The following OTUB2 variants were observed in gnomAD, a reference collection of about 807,000 sequenced individuals.
The protein encoded by OTUB2 is ubiquitin thioesterase OTUB2.
Under a neutral mutation model 25.1 loss-of-function variants are expected in OTUB2, and 21 were observed. The observed-to-expected ratio is 0.84, with a 90% CI of 0.59 to 1.21. The LOEUF (loss-of-function observed/expected upper bound fraction) is 1.21, where lower values mean the gene tolerates loss of function less well. Among genes scored for constraint, OTUB2 ranks in the 50% most tolerant of loss-of-function variants. OTUB2 has a pLI of 0.00. For missense variants in OTUB2, 283 were observed against 298.0 expected, an observed-to-expected ratio of 0.95 and a Z score of 0.37; for synonymous variants, 122 against 122.8, an observed-to-expected ratio of 0.99 and a Z score of 0.04.
chr14:94,038,356 G>GC (rs1416787756), intron 2 of OTUB2, among the ~76,000 whole-genome samples: 2 of 152,198 alleles, frequency 1.3e-5, no homozygotes, highest in African/African-American at 2.4e-5. Flanking sequence ...CCTCCCCACT[G>GC]CCAGCTGGCC....
At chr14:94,040,935 A>G (rs1266971919) in intron 3 of OTUB2, among the ~76,000 whole-genome samples, 2 of 152,130 alleles carry the variant, frequency 1.3e-5, no homozygotes, top group African/African-American at 4.8e-5. Flanking sequence ...CTTTCTAAGG[A>G]CCTTGGCTTT....
intron 1 of OTUB2, among the ~76,000 whole-genome samples, chr14:94,034,716 T>A (rs1324117353): frequency 6.6e-6 from 1 of 152,194 alleles, no homozygotes; most frequent in African/African-American, 2.4e-5. Flanking sequence ...ATCTTCCATG[T>A]GTTGACTTTC....
intron 1 of OTUB2, among the ~76,000 whole-genome samples, chr14:94,027,163 A>G (rs1368399880): frequency 1.3e-5 from 2 of 152,250 alleles, no homozygotes; most frequent in Non-Finnish European, 2.9e-5. Flanking sequence ...TTGTCTGCGC[A>G]GAACGAGGCC....
rs1226191555 is a variant in OTUB2, at chr14:94,048,425, G to A, written c.*2503G>A. ...TATTTTAAGCACAAATGAGAGCTCTGGAGCCAGAATGCCAGGGTTCTAACT... is the reference window on the plus strand; with the variant it reads ...TATTTTAAGCACAAATGAGAGCTCTAGAGCCAGAATGCCAGGGTTCTAACT... On this transcript the variant is annotated 3_prime_UTR_variant, in exon 6 of 6. Coordinates refer to ENST00000203664, the MANE Select transcript of OTUB2 (RefSeq NM_023112.4). The A allele has an allele frequency of 6.6e-6, 1 of 152,192 alleles. No homozygotes were observed. The highest frequency in any genetic ancestry group is 3.2e-3 in the Middle Eastern group (1 of 316). The allele number at this position is 152,192 out of a possible 1,614,324, so 9.4% of individuals were successfully genotyped here. A position where few individuals can be genotyped will look rare whatever the true frequency, so the allele number is the denominator to read the frequency against.
chr14:94,035,067 C>T (rs1405041580), intron 1 of OTUB2, among the ~76,000 whole-genome samples: 1 of 152,126 alleles, frequency 6.6e-6, no homozygotes, highest in African/African-American at 2.4e-5. Context: ...CTCCTGATGG[C>T]TTTCCTGTTG....
rs919732222 is a variant in OTUB2 at position 94,038,814 on chromosome 14, C to T, written c.100-149C>T. On this transcript the variant is annotated intron_variant, in intron 2 of 5. Coordinates refer to ENST00000203664, the MANE Select transcript of OTUB2 (RefSeq NM_023112.4). ...TGTATTTTTATATCAGGGGAATGAA[C>T]GAGGGTGGGAGGCTGAGGGGATAGC... 1.1e-4 allele frequency: 82 copies of T among 778,244 alleles called. 1 individual carries two copies. Among genetic ancestry groups the T allele is most frequent in the Middle Eastern group, 7.8e-4 (3 of 3,834 alleles). 48.2% of individuals were successfully genotyped at this position (778,244 alleles called of 1,614,324 possible).
chr14:94,032,410 G>A (rs1884981060), intron 1 of OTUB2, among the ~76,000 whole-genome samples: 1 of 152,146 alleles, frequency 6.6e-6, no homozygotes, highest in South Asian at 2.1e-4. Context: ...AAAGACAAAT[G>A]CATTTCATTT....
chr14:94,026,879 C>T (rs1440610010), intron 1 of OTUB2, among the ~76,000 whole-genome samples: 1 of 152,214 alleles, frequency 6.6e-6, no homozygotes, highest in Non-Finnish European at 1.5e-5. Context: ...TGCAGCACTA[C>T]GGGTCGCCTC....
rs1885274069 is a variant in OTUB2 at position 94,046,288 on chromosome 14, G to A, written c.*366G>A. ...TGGGGCCTCTGGTGTCTCTTTACCAGGGGCAGTGCCTCTCTGCGGGGGAGG... is the reference window on the plus strand; with the variant it reads ...TGGGGCCTCTGGTGTCTCTTTACCAAGGGCAGTGCCTCTCTGCGGGGGAGG... On this transcript the variant is annotated 3_prime_UTR_variant, in exon 6 of 6. Coordinates refer to ENST00000203664, the MANE Select transcript of OTUB2 (RefSeq NM_023112.4). The A allele has an allele frequency of 3.0e-6, 1 of 331,146 alleles. No homozygotes were observed. Among genetic ancestry groups the A allele is most frequent in the South Asian group, 3.6e-5 (1 of 27,720 alleles). 20.5% of individuals were successfully genotyped at this position (331,146 alleles called of 1,614,324 possible).
rs1420520713 is a variant in OTUB2 at position 94,048,126 on chromosome 14, G to C, written c.*2204G>C. On this transcript the variant is annotated 3_prime_UTR_variant, in exon 6 of 6. Coordinates refer to ENST00000203664, the MANE Select transcript of OTUB2 (RefSeq NM_023112.4). Reference sequence around the variant, plus strand: ...TGGATGAAAAGGTGTGGCAGGCTTTGGCACCTTGTTAAAATTTCTAGTCAT... The same window carrying C: ...TGGATGAAAAGGTGTGGCAGGCTTTCGCACCTTGTTAAAATTTCTAGTCAT... 1 of 152,148 alleles carries C rather than the reference G, an allele frequency of 6.6e-6. No individual in the cohort carries two copies. The highest frequency in any genetic ancestry group is 2.4e-5 in the African/African-American group (1 of 41,412). 9.4% of individuals were successfully genotyped at this position (152,148 alleles called of 1,614,324 possible).
intron 1 of OTUB2, among the ~76,000 whole-genome samples, chr14:94,030,482 C>G (rs8010295): frequency 0.18 from 26,801 of 151,734 alleles, 4,145 homozygotes; most frequent in African/African-American, 0.42. Context: ...ATCTGAGGGC[C>G]TGTTGGGAGG....
chr14:94,033,151 C>A (rs972376141), intron 1 of OTUB2, among the ~76,000 whole-genome samples: 1 of 152,060 alleles, frequency 6.6e-6, no homozygotes, highest in Non-Finnish European at 1.5e-5. Context: ...ACCTCGTGAT[C>A]CGCCCGCCTC....
At chr14:94,043,933 G>A (rs368659083) in intron 3 of OTUB2, 38 bp from the exon 4 acceptor site, 1 of 1,582,552 alleles carries the variant, frequency 6.3e-7, no homozygotes, top group African/African-American at 1.3e-5. Context: ...CACTCTCGCT[G>A]TGTTTCCCTG....
rs563975745 is a variant in OTUB2 at position 94,042,012 on chromosome 14, C to G, written c.219-1959C>G. On this transcript the variant is annotated intron_variant, in intron 3 of 5. Coordinates refer to ENST00000203664, the MANE Select transcript of OTUB2 (RefSeq NM_023112.4). ...ACTGTCTCCCTGTGTGCAGTGAGCC[C>G]AGAGCCACCCAGGCAGACACTTGTT... Among the ~76,000 whole-genome samples the G allele has an allele frequency of 3.9e-5, 6 of 152,374 alleles. No homozygotes were observed. The East Asian group carries it at 9.6e-4, about 24-fold the overall frequency.
chr14:94,039,865 G>A (rs553325389), intron 3 of OTUB2, among the ~76,000 whole-genome samples: 15 of 152,138 alleles, frequency 9.9e-5, no homozygotes, highest in South Asian at 2.1e-4. Context: ...GACCCGCACC[G>A]ACATGCTCTC....
At position 94,048,122 on chromosome 14, in the gene OTUB2, C is replaced by G. The variant is rs1246029860; in HGVS notation, c.*2200C>G. ...ATAGTGGATGAAAAGGTGTGGCAGG[C>G]TTTGGCACCTTGTTAAAATTTCTAG... On this transcript the variant is annotated 3_prime_UTR_variant, in exon 6 of 6. Coordinates refer to ENST00000203664, the MANE Select transcript of OTUB2 (RefSeq NM_023112.4). 1 of 152,176 alleles carries G rather than the reference C, an allele frequency of 6.6e-6. No homozygotes were observed. The highest frequency in any genetic ancestry group is 1.5e-5 in the Non-Finnish European group (1 of 68,032). The allele number at this position is 152,176 out of a possible 1,614,324, so 9.4% of individuals were successfully genotyped here. A position where few individuals can be genotyped will look rare whatever the true frequency, so the allele number is the denominator to read the frequency against.
At position 94,047,828 on chromosome 14, in the gene OTUB2, C is replaced by T. The variant is rs1273321732; in HGVS notation, c.*1906C>T. On this transcript the variant is annotated 3_prime_UTR_variant, in exon 6 of 6. Transcript: ENST00000203664. Reference sequence around the variant, plus strand: ...GAAGCAGAGCTGTTTGGCAGACTGGCTGGAGAAATTCCCTCTAGGAGACTT... The same window carrying T: ...GAAGCAGAGCTGTTTGGCAGACTGGTTGGAGAAATTCCCTCTAGGAGACTT... 6.6e-6 allele frequency: 1 copy of T among 152,196 alleles called. No individual in the cohort carries two copies. Among genetic ancestry groups the T allele is most frequent in the Non-Finnish European group, 1.5e-5 (1 of 68,046 alleles). The allele number at this position is 152,196 out of a possible 1,614,324, so 9.4% of individuals were successfully genotyped here. A position where few individuals can be genotyped will look rare whatever the true frequency, so the allele number is the denominator to read the frequency against.
intron 5 of OTUB2, 100 bp from the exon 6 acceptor site, chr14:94,045,616 C>G: frequency 8.5e-7 from 1 of 1,179,568 alleles, no homozygotes; most frequent in African/African-American, 1.5e-5. Flanking sequence ...CGTCCCAGCA[C>G]AGAGGCTGTG....
chr14:94,035,286 C>CTT lies in OTUB2; in HGVS notation c.4-2074_4-2073dup, dbSNP rs761154708. Among the ~76,000 whole-genome samples, 466 of 104,018 alleles carry CTT rather than the reference C, an allele frequency of 4.5e-3. 14 individuals carry two copies. The highest frequency in any genetic ancestry group is 0.013 in the African/African-American group (344 of 26,734). The allele number at this position is 104,018 out of a possible 152,430, so 68.2% of individuals were successfully genotyped here. On this transcript the variant is annotated intron_variant, in intron 1 of 5. Transcript: ENST00000203664. ...CATCCAGTTCTTTTTTTTTTCTTTT[C>CTT]TTTTTTTTTTTTTTTTTTTTTGAGA...
Sources: allele counts gnomAD v4.1 joint callset (sites outside exome capture counted in the v4.1 genomes callset), GRCh38; gene constraint gnomAD v4.1.1; transcripts MANE v1.5; gene names NCBI Gene and HGNC (gene_info 2026-07-23, HGNC 2026-07-21).